The following DYNLT5 variants were observed in gnomAD, a reference collection of about 807,000 sequenced individuals.
The protein encoded by DYNLT5 is dynein light chain Tctex-type family member 5.
DYNLT5 carries 25 observed loss-of-function variants against 19.3 expected under a neutral mutation model. That is an observed-to-expected ratio of 1.30 (90% CI 0.95 to 1.81). The LOEUF (loss-of-function observed/expected upper bound fraction) is 1.81. DYNLT5 is among the 40% of genes most tolerant of loss of function. DYNLT5 has a pLI of 0.00. For synonymous variants in DYNLT5, 82 were observed against 68.9 expected, an observed-to-expected ratio of 1.19 and a Z score of -0.94; for missense variants, 232 against 217.9, an observed-to-expected ratio of 1.06 and a Z score of -0.41.
intron 2 of DYNLT5, among the ~76,000 whole-genome samples, chr1:66,768,039 A>C (rs530610382): frequency 6.6e-6 from 1 of 152,368 alleles, no homozygotes; most frequent in African/African-American, 2.4e-5. Context: ...TTTAGAAAGT[A>C]AATAAGAGTC....
chr1:66,766,838 T>G (rs1480247366), intron 2 of DYNLT5, among the ~76,000 whole-genome samples: 1 of 152,180 alleles, frequency 6.6e-6, no homozygotes, highest in Non-Finnish European at 1.5e-5. Context: ...CAGTCAGCCT[T>G]CCAAGGCACA....
At chr1:66,766,970 T>C (rs1408588788) in intron 2 of DYNLT5, among the ~76,000 whole-genome samples, 3 of 152,034 alleles carry the variant, frequency 2.0e-5, no homozygotes, top group Admixed American at 6.6e-5. Context: ...GAACGACAGA[T>C]ACTGGGGCCT....
chr1:66,762,420 A>G (rs1029961591), intron 2 of DYNLT5, among the ~76,000 whole-genome samples: 3 of 152,210 alleles, frequency 2.0e-5, no homozygotes, highest in African/African-American at 7.2e-5. Context: ...ATAATTTTGT[A>G]TCCTTTAACA....
Position 66,777,288 on chromosome 1 carries a change from G to A in DYNLT5, c.374G>A (p.Arg125Gln), listed in dbSNP as rs751531763. Residue 125 changes from arginine to glutamine, a missense_variant, in exon 5 of 5, where the codon CGG becomes CAG. Coordinates refer to ENST00000282670, the MANE Select transcript of DYNLT5 (RefSeq NM_152665.3). The part of the protein sequence containing the change: ...KAQVKDLMIP[R>Q]YKLIVIVHIG... ...CAGGTCAAGGACTTGATGATTCCAC[G>A]GTATAAACTAATTGTGATTGTTCAC... is the stretch of plus-strand genomic sequence containing the variant. The A allele has an allele frequency of 5.6e-5, 91 of 1,613,086 alleles. No homozygotes were observed. The highest frequency in any genetic ancestry group is 7.4e-5 in the Non-Finnish European group (87 of 1,179,368).
At position 66,762,418 on chromosome 1, in the gene DYNLT5, G is replaced by A. The variant is rs997199352; in HGVS notation, c.119+7641G>A. On this transcript the variant is annotated intron_variant, in intron 2 of 4. Transcript: ENST00000282670. ...ATTTCTCCTATCTAGCTATAATTTT[G>A]TATCCTTTAACAGTAAATCAAGTTC... 5.9e-5 allele frequency among the ~76,000 whole-genome samples: 9 copies of A among 152,082 alleles called. 1 individual carries two copies. The highest frequency in any genetic ancestry group is 3.2e-3 in the Middle Eastern group (1 of 316).
intron 3 of DYNLT5, among the ~76,000 whole-genome samples, chr1:66,774,432 C>A (rs1002106597): frequency 6.6e-6 from 1 of 152,056 alleles, no homozygotes; most frequent in African/African-American, 2.4e-5. Context: ...TCCACCCCCA[C>A]CCTTCCACGA....
At chr1:66,767,501 G>A (rs1645167141) in intron 2 of DYNLT5, among the ~76,000 whole-genome samples, 1 of 152,042 alleles carries the variant, frequency 6.6e-6, no homozygotes, top group Non-Finnish European at 1.5e-5. Context: ...CAAGTGGTCT[G>A]CCCACTTCGG....
intron 2 of DYNLT5, chr1:66,755,568 T>C (rs2094634729): frequency 6.6e-6 from 1 of 152,196 alleles, no homozygotes; most frequent in Non-Finnish European, 1.5e-5. Context: ...AAGCAGGAGC[T>C]AGGGTGTCCT....
chr1:66,759,256 T>C (rs1007943565), intron 2 of DYNLT5, among the ~76,000 whole-genome samples: 1 of 152,218 alleles, frequency 6.6e-6, no homozygotes, highest in Non-Finnish European at 1.5e-5. Flanking sequence ...CTACCTTATA[T>C]GCTTTGCATA....
At chr1:66,771,398 C>T (rs1645203604) in intron 3 of DYNLT5, among the ~76,000 whole-genome samples, 1 of 152,198 alleles carries the variant, frequency 6.6e-6, no homozygotes, top group African/African-American at 2.4e-5. Context: ...ACTTTTGATC[C>T]TAGCATTCTA....
chr1:66,774,292 A>G (rs1474814256), intron 3 of DYNLT5, among the ~76,000 whole-genome samples: 1 of 152,154 alleles, frequency 6.6e-6, no homozygotes, highest in East Asian at 1.9e-4. Flanking sequence ...TTTAAAATAA[A>G]AATTCCAAAA....
chr1:66,776,413 T>C lies in DYNLT5; in HGVS notation c.336+10T>C, dbSNP rs1484192755. 1 of 1,594,056 alleles carries C rather than the reference T, an allele frequency of 6.3e-7. No homozygotes were observed. The highest frequency in any genetic ancestry group is 2.3e-5 in the East Asian group (1 of 44,374). On this transcript the variant is annotated intron_variant, in intron 4 of 4. Coordinates refer to ENST00000282670, the MANE Select transcript of DYNLT5 (RefSeq NM_152665.3). ...TAAAACCATTTCTGAGGTACGTGTG[T>C]GATTTGCCCAAAGTGTTAACAATAG...
At chr1:66,769,860 A>G (rs1215627355) in intron 2 of DYNLT5, among the ~76,000 whole-genome samples, 1 of 152,134 alleles carries the variant, frequency 6.6e-6, no homozygotes, top group Non-Finnish European at 1.5e-5. Context: ...GGTTTCCTCT[A>G]CCACGTAGAT....
chr1:66,761,029 G>A (rs1472801092), intron 2 of DYNLT5, among the ~76,000 whole-genome samples: 35 of 152,164 alleles, frequency 2.3e-4, no homozygotes, highest in Admixed American at 2.0e-3. Context: ...ACAAGACAGT[G>A]TCATTTGTCA....
Position 66,777,336 on chromosome 1 carries a change from G to T in DYNLT5, c.422G>T (p.Ser141Ile), listed in dbSNP as rs1392712755. The T allele has an allele frequency of 6.2e-7, 1 of 1,613,960 alleles. No individual in the cohort carries two copies. The highest frequency in any genetic ancestry group is 2.2e-5 in the East Asian group (1 of 44,854). The change falls in exon 5 of 5, where the codon AGC (serine) becomes ATC (isoleucine). Residue 141 changes from serine (S) to isoleucine (I), a missense_variant. By Grantham distance (142) the Ser-to-Ile change is moderately radical. Transcript: ENST00000282670. The part of the protein sequence containing the change: ...IVHIGQLNRQ[S>I]ILIGSRCLWD... ...CACATTGGACAACTGAACAGGCAGA[G>T]CATACTTATTGGAAGCAGATGCCTC...
At position 66,755,050 on chromosome 1, in the gene DYNLT5, C is replaced by T. The variant is rs140804540; in HGVS notation, c.119+273C>T. 3.1e-3 allele frequency among the ~76,000 whole-genome samples: 476 copies of T among 152,282 alleles called. 5 individuals carry two copies. Among genetic ancestry groups the T allele is most frequent in the African/African-American group, 0.011 (453 of 41,552 alleles). ...CACCACATGCAATGTAAACCAGACA[C>T]GCTTATATGTCTTTTGAGTTCTTCT... On this transcript the variant is annotated intron_variant, in intron 2 of 4. Transcript: ENST00000282670.
rs576323393 is a variant in DYNLT5 at position 66,777,418 on chromosome 1, C to T, written c.504C>T (p.Phe168=). 6.8e-6 allele frequency: 11 copies of T among 1,613,774 alleles called. No homozygotes were observed. The highest frequency in any genetic ancestry group is 6.6e-5 in the South Asian group (6 of 91,074). ...SSYVFRNSSL[F]ALANVYAVYL... is the part of the protein sequence containing the mutation. ...ATGTTTTCAGAAATTCTTCTCTCTT[C>T]GCTCTTGCAAATGTCTATGCAGTTT... The change falls in exon 5 of 5, where the codon TTC becomes TTT. Residue 168 remains phenylalanine (F), a synonymous_variant. Transcript: ENST00000282670.
At chr1:66,761,540 T>C (rs1307082943) in intron 2 of DYNLT5, among the ~76,000 whole-genome samples, 1 of 152,182 alleles carries the variant, frequency 6.6e-6, no homozygotes, top group East Asian at 1.9e-4. Flanking sequence ...TTCCAACACT[T>C]TGGGGAGCCA....
At chr1:66,775,376 A>T (rs1645228372) in intron 3 of DYNLT5, 1 of 152,246 alleles carries the variant, frequency 6.6e-6, no homozygotes, top group Non-Finnish European at 1.5e-5. Flanking sequence ...CCTGACATGT[A>T]GCAACGGCTT....
Sources: allele counts gnomAD v4.1 joint callset (sites outside exome capture counted in the v4.1 genomes callset), GRCh38; gene constraint gnomAD v4.1.1; transcripts MANE v1.5; gene names NCBI Gene and HGNC (gene_info 2026-07-23, HGNC 2026-07-21).